The following DPP9 variants were observed in gnomAD, a reference collection of about 807,000 sequenced individuals.
DPP9 encodes dipeptidyl peptidase 9.
Under a neutral mutation model 110.7 loss-of-function variants are expected in DPP9, and 50 were observed. That is an observed-to-expected ratio of 0.45 (90% CI 0.36 to 0.57). The LOEUF (loss-of-function observed/expected upper bound fraction) is 0.57. Ranked by LOEUF, DPP9 falls within the 20% of genes least tolerant of loss-of-function variation. DPP9 has a pLI of 0.00. For synonymous variants in DPP9, 561 were observed against 514.4 expected (o/e 1.09, Z -1.23); for missense variants, 1,022 against 1,217.9 (o/e 0.84, Z 2.39).
At chr19:4,696,629 C>T (rs778190378) in intron 11 of DPP9, among the ~76,000 whole-genome samples, 10 of 151,424 alleles carry the variant, frequency 6.6e-5, no homozygotes, top group Non-Finnish European at 1.2e-4. Context: ...CATGGTGGCA[C>T]GTGCCTGTAC....
Position 4,694,911 on chromosome 19 carries a change from G to T in DPP9, c.1354-88C>A. On this transcript the variant is annotated intron_variant, in intron 12 of 21. Coordinates refer to ENST00000262960, the MANE Select transcript of DPP9 (RefSeq NM_139159.5). The surrounding 1 kb of genome is among the most constrained non-coding windows in gnomAD (Gnocchi z 4.0). The stretch of plus-strand genomic sequence containing the variant: ...ACCAGTAATCCCAGTAGTTTGGGAG[G>T]CTGGGGCAGGAGACTTGCTTGAGCC... The T allele has an allele frequency of 7.2e-7, 1 of 1,379,684 alleles. No homozygotes were observed. Among genetic ancestry groups the T allele is most frequent in the Non-Finnish European group, 1.0e-6 (1 of 996,300 alleles). 85.5% of individuals were successfully genotyped at this position (1,379,684 alleles called of 1,614,324 possible).
Position 4,694,715 on chromosome 19 carries a change from C to A in DPP9, c.1462G>T (p.Ala488Ser). 6.2e-7 allele frequency: 1 copy of A among 1,613,410 alleles called. No individual in the cohort carries two copies. Among genetic ancestry groups the A allele is most frequent in the South Asian group, 1.1e-5 (1 of 90,948 alleles). ...TCGTAGCCCTGGGATTTTAAAACGGCGGTGACTTTGTACAAATGGCAGAAG... is the reference window on the plus strand; with the variant it reads ...TCGTAGCCCTGGGATTTTAAAACGGAGGTGACTTTGTACAAATGGCAGAAG... ...TGFCHLYKVTAVLKSQGYDWS... is the reference protein window; with the variant it reads ...TGFCHLYKVTSVLKSQGYDWS... Residue 488 changes from alanine (A) to serine (S), a missense_variant, in exon 13 of 22, where the codon GCC (alanine) becomes TCC (serine). This residue lies in a region of DPP9 where 810 missense variants were observed against 920.6 expected (regional missense o/e 0.88). Transcript: ENST00000262960. The surrounding 1 kb of genome is among the most constrained non-coding windows in gnomAD (Gnocchi z 4.0).
At chr19:4,713,529 G>A (rs2092930725) in intron 4 of DPP9, among the ~76,000 whole-genome samples, 1 of 152,200 alleles carries the variant, frequency 6.6e-6, no homozygotes, top group Admixed American at 6.5e-5. Context: ...AGCAGGGGCT[G>A]CAAGCGCGTG....
At position 4,684,510 on chromosome 19, in the gene DPP9, T is replaced by C; in HGVS notation, c.2178+153A>G. On this transcript the variant is annotated intron_variant, in intron 18 of 21. Coordinates refer to ENST00000262960, the MANE Select transcript of DPP9 (RefSeq NM_139159.5). The surrounding 1 kb of genome is among the most constrained non-coding windows in gnomAD (Gnocchi z 4.8). The stretch of plus-strand genomic sequence containing the variant: ...GCAAAGCATACATCCCCTTTTGTTC[T>C]AAAAGGGCGCCTCATTGAGCCTGCG... The C allele has an allele frequency of 1.2e-6, 1 of 822,710 alleles. No individual in the cohort carries two copies. Among genetic ancestry groups the C allele is most frequent in the East Asian group, 2.7e-5 (1 of 37,376 alleles). 51.0% of individuals were successfully genotyped at this position (822,710 alleles called of 1,614,324 possible).
rs551336665 is a variant in DPP9, at chr19:4,691,055, G to T, written c.1517-98C>A. 103 of 900,012 alleles carry T rather than the reference G, an allele frequency of 1.1e-4. 1 individual carries two copies. The South Asian group carries it at 1.4e-3, about 12-fold the overall frequency. 55.8% of individuals were successfully genotyped at this position (900,012 alleles called of 1,614,324 possible). A position where few individuals can be genotyped will look rare whatever the true frequency, so the allele number is the denominator to read the frequency against. On this transcript the variant is annotated intron_variant, in intron 13 of 21. Coordinates refer to ENST00000262960, the MANE Select transcript of DPP9 (RefSeq NM_139159.5). ...ATTCCACCCGAGCAGACTCACCATGGAGCCACTGAAACCCCGGCTTGCTGT... is the reference window on the plus strand; with the variant it reads ...ATTCCACCCGAGCAGACTCACCATGTAGCCACTGAAACCCCGGCTTGCTGT...
intron 4 of DPP9, among the ~76,000 whole-genome samples, chr19:4,707,175 G>A (rs2092625193): frequency 6.6e-6 from 1 of 152,222 alleles, no homozygotes; most frequent in Non-Finnish European, 1.5e-5. Context: ...GTGACCCTCT[G>A]TGAAATCAGC....
In DPP9 at chr19:4,700,122, GGGA is replaced by G. The variant is rs2092135406; in HGVS notation, c.1074+91_1074+93del. ...TGGGGCCTGGGGAGTGCCCCCGAGA[GGGA>G]GGTGAGTGACCTGCCCATCCACCCA... On this transcript the variant is annotated intron_variant, in intron 10 of 21. Coordinates refer to ENST00000262960, the MANE Select transcript of DPP9 (RefSeq NM_139159.5). The surrounding 1 kb of genome is among the most constrained non-coding windows in gnomAD (Gnocchi z 4.3). 4 of 1,045,764 alleles carry G rather than the reference GGGA, an allele frequency of 3.8e-6. No homozygotes were observed. The highest frequency in any genetic ancestry group is 5.4e-6 in the Non-Finnish European group (4 of 747,270). 64.8% of individuals were successfully genotyped at this position (1,045,764 alleles called of 1,614,324 possible). A position where few individuals can be genotyped will look rare whatever the true frequency, so the allele number is the denominator to read the frequency against.
At chr19:4,683,043 C>T (rs1415880524) in intron 19 of DPP9, 15 of 1,511,328 alleles carry the variant, frequency 9.9e-6, no homozygotes, top group African/African-American at 4.2e-5. Context: ...GCGCCACAGG[C>T]GGGCAGGTGC....
chr19:4,690,847 G>A, intron 14 of DPP9, 31 bp downstream of exon 14: 1 of 1,569,260 alleles, frequency 6.4e-7, no homozygotes, highest in South Asian at 1.1e-5. Flanking sequence ...CATGCATGGA[G>A]CAGGGGAAGG....
chr19:4,713,166 C>A (rs142638159), intron 4 of DPP9, among the ~76,000 whole-genome samples: 1 of 152,226 alleles, frequency 6.6e-6, no homozygotes, highest in Admixed American at 6.5e-5. Context: ...CCCCAGAGAA[C>A]GATCTGGCCC....
rs1179201390 is a variant in DPP9 at position 4,695,038 on chromosome 19, C to T, written c.1354-215G>A. ...TGGTGGTGCAGGCTTGTGGTCCTAG[C>T]TACTCTGGAGGCTGAGGTGGGAGGA... On this transcript the variant is annotated intron_variant, in intron 12 of 21. Coordinates refer to ENST00000262960, the MANE Select transcript of DPP9 (RefSeq NM_139159.5). This position sits in a 1 kb window ranked among gnomAD's most constrained non-coding sequence, Gnocchi z 4.7. 4 of 611,978 alleles carry T rather than the reference C, an allele frequency of 6.5e-6. No homozygotes were observed. Among genetic ancestry groups the T allele is most frequent in the South Asian group, 2.0e-5 (1 of 49,376 alleles). The allele number at this position is 611,978 out of a possible 1,614,324, so 37.9% of individuals were successfully genotyped here.
intron 2 of DPP9, chr19:4,722,150 C>G: frequency 3.7e-6 from 1 of 272,386 alleles, no homozygotes; most frequent in East Asian, 7.5e-5. Context: ...GGGGGAGACT[C>G]AAACTAAAGT....
At chr19:4,679,700 G>A (rs2089523261) in intron 21 of DPP9, 135 bp downstream of exon 21, 1 of 673,722 alleles carries the variant, frequency 1.5e-6, no homozygotes, top group African/African-American at 1.8e-5. Flanking sequence ...CAGGGCTGTG[G>A]GGTGGGGGGC....
At position 4,714,238 on chromosome 19, in the gene DPP9, G is replaced by A. The variant is rs1322512355; in HGVS notation, c.156C>T (p.Arg52=). ...DAAATDDPAA[R]FQVQKHSWDG... ...CCCACGAGTGCTTCTGCACCTGGAAGCGGGCGGCCGGGTCATCTGTGGCGG... is the reference window on the plus strand; with the variant it reads ...CCCACGAGTGCTTCTGCACCTGGAAACGGGCGGCCGGGTCATCTGTGGCGG... Residue 52 remains arginine (R), a synonymous_variant, in exon 4 of 22, where the codon CGC becomes CGT. Transcript: ENST00000262960. 2 of 1,593,762 alleles carry A rather than the reference G, an allele frequency of 1.3e-6. No individual in the cohort carries two copies. The highest frequency in any genetic ancestry group is 2.3e-5 in the East Asian group (1 of 43,824).
At chr19:4,691,469 G>A (rs1180625003) in intron 13 of DPP9, among the ~76,000 whole-genome samples, 2 of 145,174 alleles carry the variant, frequency 1.4e-5, no homozygotes, top group South Asian at 2.1e-4. Context: ...ACAAGAACCC[G>A]TCTCAAAAAA....
intron 14 of DPP9, 75 bp downstream of exon 14, chr19:4,690,803 G>C: frequency 8.8e-7 from 1 of 1,133,838 alleles, no homozygotes; most frequent in South Asian, 1.3e-5. Context: ...GTATGCGCGT[G>C]CGTGTGTGTG....
Position 4,714,336 on chromosome 19 carries a change from A to G in DPP9, c.58T>C (p.Phe20Leu). ...DKENTGSWRSFSLNSEGAERM... is the reference protein window; with the variant it reads ...DKENTGSWRSLSLNSEGAERM... Reference sequence around the variant, plus strand: ...TCAGCCCCCTCGGAATTCAGCGAGAAGCTGCGGGGAGGAAGCAAAGACTAT... The same window carrying G: ...TCAGCCCCCTCGGAATTCAGCGAGAGGCTGCGGGGAGGAAGCAAAGACTAT... Residue 20 changes from phenylalanine to leucine, a missense_variant and splice_region_variant, in exon 4 of 22, where the codon TTC becomes CTC. By Grantham distance (22) the Phe-to-Leu change is conservative. Transcript: ENST00000262960. The G allele has an allele frequency of 6.7e-7, 1 of 1,492,644 alleles. No individual in the cohort carries two copies. The highest frequency in any genetic ancestry group is 1.3e-5 in the South Asian group (1 of 79,852). 92.5% of individuals were successfully genotyped at this position (1,492,644 alleles called of 1,614,324 possible).
intron 10 of DPP9, 144 bp from the exon 11 acceptor site, chr19:4,697,795 T>C (rs2091927499): frequency 1.5e-6 from 1 of 646,908 alleles, no homozygotes; most frequent in Admixed American, 2.8e-5. Flanking sequence ...AACGCAACCT[T>C]CTTTGGAAAT....
Position 4,704,432 on chromosome 19 carries a change from C to G in DPP9, c.427-128G>C, listed in dbSNP as rs1168032178. On this transcript the variant is annotated intron_variant, in intron 5 of 21. Coordinates refer to ENST00000262960, the MANE Select transcript of DPP9 (RefSeq NM_139159.5). This position sits in a 1 kb window ranked among gnomAD's most constrained non-coding sequence, Gnocchi z 6.0. ...CTTCGGGCCTCGCCAGAGAGAACTT[C>G]CTGTACTGGGCAGAATTGGCTGCCG... 3 of 1,184,706 alleles carry G rather than the reference C, an allele frequency of 2.5e-6. No homozygotes were observed. Among genetic ancestry groups the G allele is most frequent in the Non-Finnish European group, 2.4e-6 (2 of 844,186 alleles). The allele number at this position is 1,184,706 out of a possible 1,614,324, so 73.4% of individuals were successfully genotyped here.
Sources: gnomAD v4.1 joint callset for allele counts (sites outside exome capture counted in the v4.1 genomes callset) on GRCh38, gnomAD v4.1.1 for gene constraint, gnomAD v4.1.1 regional missense constraint, Gnocchi (gnomAD v3.1) non-coding constraint, MANE v1.5 for transcripts, NCBI Gene and HGNC (gene_info 2026-07-23, HGNC 2026-07-21) for gene names.